The following C8orf82 variants were observed in gnomAD, a reference collection of about 807,000 sequenced individuals.
C8orf82 encodes UPF0598 protein C8orf82.
In C8orf82, 24 loss-of-function variants were observed where a neutral mutation model predicts 15.0. The ratio of observed to expected loss-of-function variants is 1.60; its 90% confidence interval spans 1.16 to 2.24. The LOEUF (loss-of-function observed/expected upper bound fraction) is 2.24. Among genes scored for constraint, C8orf82 ranks in the 30% most tolerant of loss-of-function variants. The probability of loss-of-function intolerance (pLI) is 0.00; values close to 1 mark genes in which losing one functional copy is unlikely to be tolerated. For missense variants in C8orf82, 388 were observed against 317.4 expected, an observed-to-expected ratio of 1.22 and a Z score of -1.69; for synonymous variants, 205 against 152.2, an observed-to-expected ratio of 1.35 and a Z score of -2.55.
chr8:144,528,521 T>C (rs1028842701), intron 1 of C8orf82: 25 of 1,396,470 alleles, frequency 1.8e-5, no homozygotes, highest in Non-Finnish European at 2.3e-5. Flanking sequence ...ACGCGGCCCA[T>C]GTAGGAGCCT....
At position 144,527,370 on chromosome 8, in the gene C8orf82, G is replaced by T; in HGVS notation, c.623C>A (p.Pro208Gln). ...RRLALTMDLAPLLLAARSP is the reference protein window; with the variant it reads ...RRLALTMDLAQLLLAARSP ...GGGCGACCGAGCCGCGAGCAGCAGC[G>T]GGGCCAGGTCCATGGTGAGGGCGAG... is the stretch of plus-strand genomic sequence containing the variant. The change falls in exon 3 of 3, where the codon CCG becomes CAG. Residue 208 changes from proline (P) to glutamine (Q), a missense_variant. Coordinates refer to ENST00000524821, the MANE Select transcript of C8orf82 (RefSeq NM_001001795.2). 1 of 1,223,942 alleles carries T rather than the reference G, an allele frequency of 8.2e-7. No individual in the cohort carries two copies. The highest frequency in any genetic ancestry group is 1.6e-5 in the African/African-American group (1 of 62,200). The allele number at this position is 1,223,942 out of a possible 1,614,324, so 75.8% of individuals were successfully genotyped here.
intron 1 of C8orf82, 64 bp from the exon 2 acceptor site, chr8:144,528,136 A>G: frequency 6.3e-7 from 1 of 1,588,648 alleles, no homozygotes; most frequent in East Asian, 2.2e-5. Flanking sequence ...GAAGCTCAGG[A>G]GGTCCTGAAG....
At chr8:144,528,707 C>CCACA in intron 1 of C8orf82, 54 bp downstream of exon 1, 1 of 742,332 alleles carries the variant, frequency 1.3e-6, no homozygotes. Context: ...CCCCGCCCCG[C>CCACA]CCAGAGACCT....
chr8:144,528,775 C>A lies in C8orf82; in HGVS notation c.142G>T (p.Asp48Tyr). The change falls in exon 1 of 3, where the codon GAC becomes TAC. Residue 48 changes from aspartate (D) to tyrosine (Y), a missense_variant. Asp to Tyr is a radical substitution (Grantham distance 160). Coordinates refer to ENST00000524821, the MANE Select transcript of C8orf82 (RefSeq NM_001001795.2). ...PRTREYFYYV[D>Y]HQGQLFLDDS... The stretch of plus-strand genomic sequence containing the variant: ...CCCCCGCCCACCTGGCCCTGGTGGT[C>A]CACGTAGTAGAAATACTCGCGGGTC... 7.4e-7 allele frequency: 1 copy of A among 1,348,286 alleles called. No homozygotes were observed. The highest frequency in any genetic ancestry group is 9.7e-7 in the Non-Finnish European group (1 of 1,035,012). The allele number at this position is 1,348,286 out of a possible 1,614,324, so 83.5% of individuals were successfully genotyped here. A position where few individuals can be genotyped will look rare whatever the true frequency, so the allele number is the denominator to read the frequency against.
At chr8:144,528,556 G>A (rs200655894) in intron 1 of C8orf82, 20,382 of 1,304,044 alleles carry the variant, frequency 0.016, 214 homozygotes, top group Non-Finnish European at 0.018. Flanking sequence ...CCAACTCCCC[G>A]TCTTTCCAGC....
At chr8:144,528,123 G>A (rs1351261995) in intron 1 of C8orf82, 51 bp from the exon 2 acceptor site, 2 of 1,597,486 alleles carry the variant, frequency 1.3e-6, no homozygotes, top group Non-Finnish European at 1.7e-6. Flanking sequence ...AGGTGGGGGC[G>A]GGGAAGCTCA....
At chr8:144,528,616 C>CCCGGGGGGGGGGGGGG in intron 1 of C8orf82, 145 bp downstream of exon 1, 5 of 295,996 alleles carry the variant, frequency 1.7e-5, no homozygotes, top group East Asian at 1.6e-4. Context: ...GCGCAGGCCC[C>CCCGGGGGGGGGGGGGG]GCCCACCCAC....
chr8:144,528,076 C>CAGAT lies in C8orf82; in HGVS notation c.157-8_157-5dup. On this transcript the variant is annotated splice_region_variant and splice_polypyrimidine_tract_variant and intron_variant, in intron 1 of 2. Coordinates refer to ENST00000524821, the MANE Select transcript of C8orf82 (RefSeq NM_001001795.2). ...TTTTGGAATCATCCAGGAAAAGCTGCAGATAGAGGGCCAGGCCGTGATAAG... is the reference window on the plus strand; with the variant it reads ...TTTTGGAATCATCCAGGAAAAGCTGCAGATAGATAGAGGGCCAGGCCGTGATAAG... 1 of 1,612,196 alleles carries CAGAT rather than the reference C, an allele frequency of 6.2e-7. No homozygotes were observed. The highest frequency in any genetic ancestry group is 8.5e-7 in the Non-Finnish European group (1 of 1,179,536).
chr8:144,528,783 T>A lies in C8orf82; in HGVS notation c.134A>T (p.Tyr45Phe), dbSNP rs1049083825. 2.2e-6 allele frequency: 3 copies of A among 1,378,878 alleles called. No individual in the cohort carries two copies. In the South Asian group the frequency reaches 4.3e-5, roughly 20 times the overall value. The allele number at this position is 1,378,878 out of a possible 1,614,324, so 85.4% of individuals were successfully genotyped here. A position where few individuals can be genotyped will look rare whatever the true frequency, so the allele number is the denominator to read the frequency against. ...CACCTGGCCCTGGTGGTCCACGTAG[T>A]AGAAATACTCGCGGGTCCGCGGCTC... ...SPEPRTREYF[Y>F]YVDHQGQLFL... The change falls in exon 1 of 3, where the codon TAC becomes TTC. Residue 45 changes from tyrosine (Y) to phenylalanine (F), a missense_variant. Physicochemically the swap from Tyr to Phe is conservative, Grantham distance 22. Coordinates refer to ENST00000524821, the MANE Select transcript of C8orf82 (RefSeq NM_001001795.2).
Position 144,526,080 on chromosome 8 carries a change from G to T in C8orf82, c.*1262C>A, listed in dbSNP as rs1586858299. Reference sequence around the variant, plus strand: ...CCTGTCTCCCAGCCTCATCTGGCCGGCCTCCCCAAACATTTGCCTGTCCAT... The same window carrying T: ...CCTGTCTCCCAGCCTCATCTGGCCGTCCTCCCCAAACATTTGCCTGTCCAT... On this transcript the variant is annotated 3_prime_UTR_variant, in exon 3 of 3. Transcript: ENST00000524821. 1 of 152,190 alleles carries T rather than the reference G, an allele frequency of 6.6e-6. No individual in the cohort carries two copies. 9.4% of individuals were successfully genotyped at this position (152,190 alleles called of 1,614,324 possible).
intron 1 of C8orf82, 136 bp from the exon 2 acceptor site, chr8:144,528,208 A>AG: frequency 6.7e-7 from 1 of 1,497,634 alleles, no homozygotes. Flanking sequence ...CACCGCATGC[A>AG]GGGAGGCGCG....
chr8:144,526,365 C>G lies in C8orf82; in HGVS notation c.*977G>C, dbSNP rs1816360077. Reference sequence around the variant, plus strand: ...TTCCCCTGGGTATAAAGTGTTGGTACGTGGCTCCAGGCCTGGCCCACTCAG... The same window carrying G: ...TTCCCCTGGGTATAAAGTGTTGGTAGGTGGCTCCAGGCCTGGCCCACTCAG... On this transcript the variant is annotated 3_prime_UTR_variant, in exon 3 of 3. Coordinates refer to ENST00000524821, the MANE Select transcript of C8orf82 (RefSeq NM_001001795.2). 6.6e-6 allele frequency: 1 copy of G among 152,186 alleles called. No individual in the cohort carries two copies. The highest frequency in any genetic ancestry group is 1.5e-5 in the Non-Finnish European group (1 of 68,036). 9.4% of individuals were successfully genotyped at this position (152,186 alleles called of 1,614,324 possible).
rs1318906199 is a variant in C8orf82 at position 144,528,991 on chromosome 8, A to G, written c.-75T>C. 2.9e-5 allele frequency: 40 copies of G among 1,363,954 alleles called. No individual in the cohort carries two copies. The highest frequency in any genetic ancestry group is 3.5e-5 in the Non-Finnish European group (37 of 1,057,944). The allele number at this position is 1,363,954 out of a possible 1,614,324, so 84.5% of individuals were successfully genotyped here. On this transcript the variant is annotated 5_prime_UTR_variant, in exon 1 of 3. Coordinates refer to ENST00000524821, the MANE Select transcript of C8orf82 (RefSeq NM_001001795.2). ...GCGCGAACTCGCGCCTGCCCGCAGT[A>G]GCCCCGCGCTTCGCGTTCCGGCGGC...
At position 144,528,767 on chromosome 8, in the gene C8orf82, C is replaced by A. The variant is rs777942397; in HGVS notation, c.150G>T (p.Gln50His). Reference protein sequence around the residue: ...TREYFYYVDHQGQLFLDDSKM... With the variant: ...TREYFYYVDHHGQLFLDDSKM... The stretch of plus-strand genomic sequence containing the variant: ...CGGCCCTGCCCCCGCCCACCTGGCC[C>A]TGGTGGTCCACGTAGTAGAAATACT... The change falls in exon 1 of 3, where the codon CAG becomes CAT. Residue 50 changes from glutamine (Q) to histidine (H), a missense_variant. Gln to His is a conservative substitution (Grantham distance 24, BLOSUM62 0). Transcript: ENST00000524821. 2.8e-6 allele frequency: 4 copies of A among 1,413,378 alleles called. No homozygotes were observed. The Admixed American group carries it at 8.5e-5, about 30-fold the overall frequency. The allele number at this position is 1,413,378 out of a possible 1,614,324, so 87.6% of individuals were successfully genotyped here. A position where few individuals can be genotyped will look rare whatever the true frequency, so the allele number is the denominator to read the frequency against.
chr8:144,528,552 C>A (rs1816475443), intron 1 of C8orf82: 4 of 1,316,688 alleles, frequency 3.0e-6, no homozygotes, highest in Non-Finnish European at 4.0e-6. Flanking sequence ...CGACCCAACT[C>A]CCCGTCTTTC....
chr8:144,527,317 C>A lies in C8orf82; in HGVS notation c.*25G>T, dbSNP rs1282880796. ...GGAGCGGGGCGAGAGGCGCCCGCGG[C>A]CTCCCGCCTTTCCCTTGGCCCCGCT... On this transcript the variant is annotated 3_prime_UTR_variant, in exon 3 of 3. Coordinates refer to ENST00000524821, the MANE Select transcript of C8orf82 (RefSeq NM_001001795.2). 1.0e-5 allele frequency: 12 copies of A among 1,159,948 alleles called. No individual in the cohort carries two copies. In the East Asian group the frequency reaches 5.0e-4, roughly 48 times the overall value. 71.9% of individuals were successfully genotyped at this position (1,159,948 alleles called of 1,614,324 possible).
chr8:144,526,869 C>G lies in C8orf82; in HGVS notation c.*473G>C, dbSNP rs922282357. ...CCCATCCCCCTCCAGGACCCACGCC[C>G]TTCTCGGAGCGCACCAGGGTCAGAG... On this transcript the variant is annotated 3_prime_UTR_variant, in exon 3 of 3. Transcript: ENST00000524821. The G allele has an allele frequency of 2.6e-5, 4 of 152,278 alleles. No homozygotes were observed. The highest frequency in any genetic ancestry group is 9.6e-5 in the African/African-American group (4 of 41,472). 9.4% of individuals were successfully genotyped at this position (152,278 alleles called of 1,614,324 possible). A position where few individuals can be genotyped will look rare whatever the true frequency, so the allele number is the denominator to read the frequency against.
Position 144,528,927 on chromosome 8 carries a change from C to G in C8orf82, c.-11G>C. On this transcript the variant is annotated 5_prime_UTR_variant, in exon 1 of 3. Coordinates refer to ENST00000524821, the MANE Select transcript of C8orf82 (RefSeq NM_001001795.2). ...GCAAGGCGGCCACATTCTCCTCCCG[C>G]GCCGGAAGCGACCAGCAGGTCACGC... is the stretch of plus-strand genomic sequence containing the variant. 6.7e-7 allele frequency: 1 copy of G among 1,500,712 alleles called. No individual in the cohort carries two copies. The highest frequency in any genetic ancestry group is 8.9e-7 in the Non-Finnish European group (1 of 1,128,096). 93.0% of individuals were successfully genotyped at this position (1,500,712 alleles called of 1,614,324 possible).
intron 1 of C8orf82, chr8:144,528,493 C>G: frequency 6.9e-7 from 1 of 1,444,944 alleles, no homozygotes; most frequent in South Asian, 1.4e-5. Flanking sequence ...GAGTCCGAAG[C>G]TGCACAACGC....
Sources: allele counts gnomAD v4.1 joint callset, GRCh38; gene constraint gnomAD v4.1.1; transcripts MANE v1.5; gene names NCBI Gene and HGNC (gene_info 2026-07-23, HGNC 2026-07-21).